Variants in ZC3H11A observed in about 807,000 individuals in gnomAD.
ZC3H11A encodes the protein zinc finger CCCH-type containing 11A.
ZC3H11A carries 22 observed loss-of-function variants against 90.8 expected under a neutral mutation model. The observed-to-expected ratio is 0.24, with a 90% CI of 0.17 to 0.35. The LOEUF (loss-of-function observed/expected upper bound fraction) is 0.35. Ranked by LOEUF, ZC3H11A falls within the 10% of genes least tolerant of loss-of-function variation. The pLI, the probability that ZC3H11A is intolerant of heterozygous loss-of-function variation, is 1.00. For missense variants in ZC3H11A, 701 were observed against 964.9 expected, an observed-to-expected ratio of 0.73 and a Z score of 3.62; for synonymous variants, 294 against 339.8, an observed-to-expected ratio of 0.87 and a Z score of 1.48.
intron 2 of ZC3H11A, among the ~76,000 whole-genome samples, chr1:203,806,793 C>A (rs979600947): frequency 6.9e-6 from 1 of 145,762 alleles, no homozygotes; most frequent in African/African-American, 2.5e-5. Context: ...TTACAATTTA[C>A]CAAGTTTTTG....
intron 2 of ZC3H11A, among the ~76,000 whole-genome samples, chr1:203,813,626 A>G (rs1675251298): frequency 6.6e-6 from 1 of 152,154 alleles, no homozygotes; most frequent in Non-Finnish European, 1.5e-5. Context: ...CTGGGTAGCT[A>G]CAGAAGTTTG....
intron 4 of ZC3H11A, among the ~76,000 whole-genome samples, chr1:203,825,624 C>T (rs953415366): frequency 2.0e-5 from 3 of 151,874 alleles, no homozygotes; most frequent in South Asian, 2.1e-4. Flanking sequence ...TTAGTAGAGA[C>T]GGGGTTTCAC....
chr1:203,834,160 A>G, intron 10 of ZC3H11A: 3 of 831,378 alleles, frequency 3.6e-6, no homozygotes, highest in Non-Finnish European at 4.5e-6. Context: ...AGAGGCGAGA[A>G]AAATGATTGG....
At chr1:203,807,164 C>T (rs548086373) in intron 2 of ZC3H11A, among the ~76,000 whole-genome samples, 3 of 152,134 alleles carry the variant, frequency 2.0e-5, no homozygotes, top group Admixed American at 6.5e-5. Flanking sequence ...CATGAGCTAC[C>T]ATTCCTGACC....
chr1:203,797,998 G>A lies in ZC3H11A; in HGVS notation c.-1588+2204G>A. 6.5e-7 allele frequency: 1 copy of A among 1,534,088 alleles called. No individual in the cohort carries two copies. Among genetic ancestry groups the A allele is most frequent in the Non-Finnish European group, 8.7e-7 (1 of 1,145,036 alleles). ...TGTAACCTCTGTGAGAAAAGCGTCA[G>A]CAGGGGTAAACCAGGTAGCCATCTT... is the stretch of plus-strand genomic sequence containing the variant. On this transcript the variant is annotated intron_variant, in intron 1 of 17. Coordinates refer to ENST00000367210, the MANE Select transcript of ZC3H11A (RefSeq NM_001376342.1).
At chr1:203,838,162 A>G in intron 11 of ZC3H11A, 98 bp downstream of exon 11, 2 of 1,100,456 alleles carry the variant, frequency 1.8e-6, no homozygotes, top group Non-Finnish European at 2.6e-6. Flanking sequence ...TGTTCAGGTA[A>G]ATAGGTTATC....
intron 4 of ZC3H11A, among the ~76,000 whole-genome samples, chr1:203,819,268 C>A (rs1275575594): frequency 3.4e-5 from 5 of 149,070 alleles, no homozygotes; most frequent in Non-Finnish European, 5.9e-5. Flanking sequence ...GTCGCCCACG[C>A]TGGAGTGCAG....
chr1:203,810,385 C>T (rs1490993318), intron 2 of ZC3H11A, among the ~76,000 whole-genome samples: 2 of 148,990 alleles, frequency 1.3e-5, no homozygotes, highest in Non-Finnish European at 3.0e-5. Flanking sequence ...TTCTTTATCT[C>T]TTATTTCCTT....
intron 12 of ZC3H11A, among the ~76,000 whole-genome samples, 162 bp from the exon 13 acceptor site, chr1:203,847,020 AAG>A (rs1220859482): frequency 6.6e-6 from 1 of 151,988 alleles, no homozygotes; most frequent in Non-Finnish European, 1.5e-5. Flanking sequence ...AAAAAAGAAA[AAG>A]AAAAAAAGGA....
Position 203,852,642 on chromosome 1 carries a change from A to T in ZC3H11A, c.*243A>T. ...CATCTTTTGAGAAAAAAGTTCTGTCATACCCTTCTCTCCACAAAAAAGAGA... is the reference window on the plus strand; with the variant it reads ...CATCTTTTGAGAAAAAAGTTCTGTCTTACCCTTCTCTCCACAAAAAAGAGA... On this transcript the variant is annotated 3_prime_UTR_variant, in exon 18 of 18. Coordinates refer to ENST00000367210, the MANE Select transcript of ZC3H11A (RefSeq NM_001376342.1). 9.7e-6 allele frequency: 5 copies of T among 514,884 alleles called. No homozygotes were observed. In the East Asian group the frequency reaches 1.4e-4, roughly 15 times the overall value. 31.9% of individuals were successfully genotyped at this position (514,884 alleles called of 1,614,324 possible).
chr1:203,810,569 A>G (rs11240549), intron 2 of ZC3H11A, among the ~76,000 whole-genome samples: 149,378 of 151,766 alleles, frequency 0.98, 73,554 homozygotes, highest in East Asian at 1. Context: ...ACAGGCGCCC[A>G]CCACCACGCC....
rs1049578779 is a variant in ZC3H11A, at chr1:203,854,109, C to G, written c.*1710C>G. 4 of 152,606 alleles carry G rather than the reference C, an allele frequency of 2.6e-5. No individual in the cohort carries two copies. Among genetic ancestry groups the G allele is most frequent in the African/African-American group, 9.7e-5 (4 of 41,442 alleles). 9.5% of individuals were successfully genotyped at this position (152,606 alleles called of 1,614,324 possible). On this transcript the variant is annotated 3_prime_UTR_variant, in exon 18 of 18. Transcript: ENST00000367210. ...ATACTTGTTTGTGTTTTAAATAAAA[C>G]TGATGTAGGAAAGTCTTGATGTTGT...
chr1:203,818,781 A>G, intron 4 of ZC3H11A, 92 bp downstream of exon 4: 1 of 1,583,704 alleles, frequency 6.3e-7, no homozygotes, highest in Non-Finnish European at 8.6e-7. Context: ...TTTAAAAAAT[A>G]TATTAAGGCT....
intron 4 of ZC3H11A, among the ~76,000 whole-genome samples, chr1:203,823,232 T>G (rs1428201520): frequency 6.6e-6 from 1 of 152,202 alleles, no homozygotes; most frequent in African/African-American, 2.4e-5. Flanking sequence ...GTAAAGACAC[T>G]GTCAGATCAT....
chr1:203,851,240 C>A, intron 17 of ZC3H11A, 116 bp downstream of exon 17: 1 of 907,378 alleles, frequency 1.1e-6, no homozygotes, highest in Non-Finnish European at 1.7e-6. Flanking sequence ...TGTTGCACTT[C>A]AAATTAATTG....
At chr1:203,827,841 A>G (rs189649725) in intron 4 of ZC3H11A, among the ~76,000 whole-genome samples, 215 of 152,274 alleles carry the variant, frequency 1.4e-3, no homozygotes, top group Non-Finnish European at 1.1e-3. Context: ...AGTTTGACCT[A>G]TGTGCTTAGT....
At chr1:203,840,131 G>A (rs1685640766) in intron 11 of ZC3H11A, among the ~76,000 whole-genome samples, 175 bp from the exon 12 acceptor site, 2 of 151,836 alleles carry the variant, frequency 1.3e-5, no homozygotes, top group Admixed American at 1.3e-4. Flanking sequence ...TAGAGATGGG[G>A]TTTCACCATG....
chr1:203,799,015 T>C, intron 1 of ZC3H11A: 1 of 1,536,180 alleles, frequency 6.5e-7, no homozygotes, highest in Non-Finnish European at 8.7e-7. Flanking sequence ...TATTTTATTG[T>C]GACTGTACAC....
At chr1:203,822,770 A>G (rs1169396911) in intron 4 of ZC3H11A, among the ~76,000 whole-genome samples, 2 of 152,174 alleles carry the variant, frequency 1.3e-5, no homozygotes, top group Non-Finnish European at 2.9e-5. Flanking sequence ...ACCCTATGCC[A>G]GTTCCACATG....
Sources: allele counts gnomAD v4.1 joint callset (sites outside exome capture counted in the v4.1 genomes callset), GRCh38; gene constraint gnomAD v4.1.1; transcripts MANE v1.5; gene names NCBI Gene and HGNC (gene_info 2026-07-23, HGNC 2026-07-21).